Variants in PCDH11Y observed in about 807,000 individuals in gnomAD.
PCDH11Y encodes the protein protocadherin 11 Y-linked.
For missense variants in PCDH11Y, 12 were observed against 224.8 expected (o/e 0.05, Z 6.05); for synonymous variants, 9 against 83.6 (o/e 0.11, Z 4.87).
chrY:5,496,231 A>G, intron 2 of PCDH11Y, among the ~76,000 whole-genome samples: 1 of 33,586 alleles, frequency 3.0e-5, no homozygotes, highest in African/African-American at 1.2e-4. Flanking sequence ...TAGCCCTTTT[A>G]TACTGCACAA....
intron 4 of PCDH11Y, among the ~76,000 whole-genome samples, chrY:5,643,093 A>T: frequency 6.2e-5 from 2 of 32,420 alleles, no homozygotes; most frequent in Non-Finnish European, 1.5e-4. Context: ...ATTTGTTTTT[A>T]TGTAATTTTT....
At chrY:5,539,810 T>C in intron 3 of PCDH11Y, among the ~76,000 whole-genome samples, 1 of 32,578 alleles carries the variant, frequency 3.1e-5, no homozygotes. Context: ...AACAAGCCCT[T>C]TAAAAATAAT....
intron 2 of PCDH11Y, among the ~76,000 whole-genome samples, chrY:5,247,467 T>C (rs2052997624): frequency 3.1e-5 from 1 of 32,157 alleles, no homozygotes; most frequent in East Asian, 8.3e-4. Context: ...AACAAACTGC[T>C]CCTGAATGAC....
intron 2 of PCDH11Y, among the ~76,000 whole-genome samples, chrY:5,335,809 G>A: frequency 3.3e-5 from 1 of 30,236 alleles, no homozygotes; most frequent in African/African-American, 1.3e-4. Context: ...ATACAGATGA[G>A]GTTTTATCAG....
chrY:5,449,317 A>T, intron 2 of PCDH11Y, among the ~76,000 whole-genome samples: 1 of 33,338 alleles, frequency 3.0e-5, no homozygotes, highest in Non-Finnish European at 7.4e-5. Flanking sequence ...GGATGCATGG[A>T]ACCACCTTGA....
intron 4 of PCDH11Y, among the ~76,000 whole-genome samples, chrY:5,649,808 G>C: frequency 3.0e-5 from 1 of 32,791 alleles, no homozygotes; most frequent in Non-Finnish European, 7.6e-5. Flanking sequence ...TGAAGAATGA[G>C]ATGGCAGACA....
downstream of PCDH11Y, among the ~76,000 whole-genome samples, chrY:5,108,543 C>T (rs1602868890): frequency 3.0e-4 from 9 of 30,405 alleles, no homozygotes; most frequent in South Asian, 7.4e-4. Flanking sequence ...GTCAGGAGAT[C>T]GAGACCATCC....
intron 1 of PCDH11Y, among the ~76,000 whole-genome samples, chrY:5,008,350 G>A (rs1245325326): frequency 3.1e-5 from 1 of 32,590 alleles, no homozygotes; most frequent in Non-Finnish European, 7.5e-5. Flanking sequence ...AGTTGAGTGT[G>A]GGTTTGTATC....
chrY:5,692,067 A>AAAAT (rs2053568236), intron 4 of PCDH11Y, among the ~76,000 whole-genome samples: 1 of 33,317 alleles, frequency 3.0e-5, no homozygotes, highest in Non-Finnish European at 7.4e-5. Flanking sequence ...CTCCATCTCA[A>AAAAT]AAATAAATAA....
At chrY:5,401,499 G>A (rs2053233906) in intron 2 of PCDH11Y, among the ~76,000 whole-genome samples, 1 of 32,389 alleles carries the variant, frequency 3.1e-5, no homozygotes, top group Admixed American at 2.9e-4. Flanking sequence ...TGTTACATAG[G>A]TGTCCATGAG....
intron 4 of PCDH11Y, among the ~76,000 whole-genome samples, chrY:5,668,052 A>G: frequency 3.0e-5 from 1 of 33,137 alleles, no homozygotes; most frequent in Non-Finnish European, 7.4e-5. Flanking sequence ...TGCAAGCATT[A>G]CTAGAGTTAT....
intron 2 of PCDH11Y, among the ~76,000 whole-genome samples, chrY:5,499,135 C>A: frequency 1.2e-4 from 4 of 32,947 alleles, no homozygotes. Context: ...CAGAATGAGA[C>A]CCTGTCTAAA....
intron 2 of PCDH11Y, among the ~76,000 whole-genome samples, chrY:5,201,671 T>A (rs2052926871): frequency 5.9e-5 from 2 of 33,663 alleles, no homozygotes; most frequent in African/African-American, 2.3e-4. Flanking sequence ...TATATCTATT[T>A]AGATATAAGT....
At chrY:5,494,048 C>T (rs2053341359) in intron 2 of PCDH11Y, among the ~76,000 whole-genome samples, 1 of 33,497 alleles carries the variant, frequency 3.0e-5, no homozygotes, top group African/African-American at 1.2e-4. Context: ...TTTGGTAATT[C>T]ATAAGTTTAA....
At chrY:5,166,201 A>G (rs1602878702) in intron 2 of PCDH11Y, among the ~76,000 whole-genome samples, 4 of 32,736 alleles carry the variant, frequency 1.2e-4, no homozygotes, top group African/African-American at 4.7e-4. Context: ...AGTTCCTTCT[A>G]TCAGGCCAGC....
chrY:5,117,968 CAT>C (rs2052813431), intron 2 of PCDH11Y, among the ~76,000 whole-genome samples: 1 of 27,590 alleles, frequency 3.6e-5, no homozygotes, highest in African/African-American at 1.4e-4. Context: ...ACATTATACA[CAT>C]ATACATATAC....
At position 5,416,097 on chromosome Y, in the gene PCDH11Y, T is replaced by A. The variant is rs1602922423; in HGVS notation, c.3130-84960T>A. Among the ~76,000 whole-genome samples the A allele has an allele frequency of 8.3e-4, 27 of 32,632 alleles. No homozygotes were observed. In the East Asian group the frequency reaches 0.011, roughly 14 times the overall value. 87.5% of individuals were successfully genotyped at this position (32,632 alleles called of 37,273 possible). A position where few individuals can be genotyped will look rare whatever the true frequency, so the allele number is the denominator to read the frequency against. On this transcript the variant is annotated intron_variant, in intron 2 of 4. Coordinates refer to the PCDH11Y transcript ENST00000400457. ...GAATTAGAAAGTATTCCCTGACTCT[T>A]CTATTTTTTAAGGGGAGAATTTGTG...
chrY:5,212,739 CTT>C (rs369862016), intron 2 of PCDH11Y, among the ~76,000 whole-genome samples: 4,855 of 31,416 alleles, frequency 0.15, no homozygotes, highest in African/African-American at 0.59. Flanking sequence ...AAGTCGGCTC[CTT>C]TCTCTTCCCT....
chrY:5,416,591 GGGA>G (rs2053253541), intron 2 of PCDH11Y, among the ~76,000 whole-genome samples: 1 of 32,538 alleles, frequency 3.1e-5, no homozygotes, highest in African/African-American at 1.2e-4. Flanking sequence ...TTGCTGACCT[GGGA>G]GGAGAAAGGA....
Sources: allele counts gnomAD v4.1 joint callset (sites outside exome capture counted in the v4.1 genomes callset), GRCh38; gene constraint gnomAD v4.1.1; transcripts MANE v1.5; gene names NCBI Gene and HGNC (gene_info 2026-07-23, HGNC 2026-07-21).